Variants in TANC1 observed in about 807,000 individuals in gnomAD.
The protein encoded by TANC1 is tetratricopeptide repeat, ankyrin repeat and coiled-coil containing 1.
In TANC1, 77 loss-of-function variants were observed where a neutral mutation model predicts 149.7. That is an observed-to-expected ratio of 0.51 (90% CI 0.43 to 0.62). TANC1 has a LOEUF of 0.62. TANC1 is among the 20% of genes least tolerant of loss of function. TANC1 has a pLI of 0.00. For missense variants in TANC1, 1,985 were observed against 2,321.8 expected (o/e 0.85, Z 2.98); for synonymous variants, 854 against 925.0 (o/e 0.92, Z 1.39).
chr2:159,059,913 TGTGTGTGTGTGTGTGTGG>T (rs2042112447), intron 2 of TANC1, among the ~76,000 whole-genome samples: 1 of 125,586 alleles, frequency 8.0e-6, no homozygotes, highest in African/African-American at 3.8e-5. Flanking sequence ...TGTGTGTGTG[TGTGTGTGTGTGTGTGTGG>T]TTTTTTGTTG....
rs751317881 is a variant in TANC1 at position 159,176,348 on chromosome 2, G to T, written c.1736-4G>T. 6.6e-6 allele frequency: 10 copies of T among 1,507,356 alleles called. No homozygotes were observed. The highest frequency in any genetic ancestry group is 8.9e-6 in the Non-Finnish European group (10 of 1,119,452). 93.4% of individuals were successfully genotyped at this position (1,507,356 alleles called of 1,614,324 possible). A position where few individuals can be genotyped will look rare whatever the true frequency, so the allele number is the denominator to read the frequency against. On this transcript the variant is annotated splice_polypyrimidine_tract_variant and splice_region_variant and intron_variant, in intron 12 of 26. Coordinates refer to ENST00000263635, the MANE Select transcript of TANC1 (RefSeq NM_033394.3). ...TAATTTGAAAAAATTATTTTATCCT[G>T]TAGAGCAGAAAATTCCTGAAGAAGA...
chr2:159,198,698 A>G (rs2058038138), intron 18 of TANC1, among the ~76,000 whole-genome samples: 1 of 152,248 alleles, frequency 6.6e-6, no homozygotes, highest in South Asian at 2.1e-4. Context: ...TTAGGCTGGC[A>G]TATTTGGGTC....
chr2:159,036,500 CCCTCCCCCAT>C (rs1457454754), intron 2 of TANC1, among the ~76,000 whole-genome samples: 1 of 152,044 alleles, frequency 6.6e-6, no homozygotes, highest in African/African-American at 2.4e-5. Context: ...CTAATGCCAT[CCCTCCCCCAT>C]CCTCCCACCC....
rs143899683 is a variant in TANC1 at position 159,224,737 on chromosome 2, C to T, written c.3811+373C>T. ...GAGCCACTGTTCTAGAGCCACCAGT[C>T]AGCTGTGTGGGGAAATGGCCACCAC... On this transcript the variant is annotated intron_variant, in intron 23 of 26. Coordinates refer to ENST00000263635, the MANE Select transcript of TANC1 (RefSeq NM_033394.3). 4.2e-3 allele frequency: 836 copies of T among 197,248 alleles called. 9 individuals are homozygous for T. Among genetic ancestry groups the T allele is most frequent in the African/African-American group, 0.018 (794 of 44,284 alleles). 12.2% of individuals were successfully genotyped at this position (197,248 alleles called of 1,614,324 possible).
intron 2 of TANC1, among the ~76,000 whole-genome samples, chr2:159,045,461 G>A (rs1010249036): frequency 3.9e-5 from 6 of 152,004 alleles, no homozygotes; most frequent in African/African-American, 1.5e-4. Context: ...AGCCAGATAT[G>A]ATAAAGAGTT....
At chr2:159,212,688 A>C (rs1235285796) in intron 19 of TANC1, among the ~76,000 whole-genome samples, 1 of 152,126 alleles carries the variant, frequency 6.6e-6, no homozygotes, top group Admixed American at 6.5e-5. Flanking sequence ...TTGGAAGGCC[A>C]AGGCAGGCAG....
At chr2:159,021,893 G>A (rs1182246316) in intron 2 of TANC1, among the ~76,000 whole-genome samples, 1 of 152,112 alleles carries the variant, frequency 6.6e-6, no homozygotes, top group Non-Finnish European at 1.5e-5. Flanking sequence ...CCAAGTTTGA[G>A]GAAGAATGGA....
In TANC1 at chr2:159,136,091, C is replaced by G. The variant is rs1345012869; in HGVS notation, c.260-103C>G. 4.9e-6 allele frequency: 3 copies of G among 615,438 alleles called. No individual in the cohort carries two copies. The Admixed American group carries it at 6.3e-5, about 13-fold the overall frequency. The allele number at this position is 615,438 out of a possible 1,614,324, so 38.1% of individuals were successfully genotyped here. On this transcript the variant is annotated intron_variant, in intron 4 of 26. Coordinates refer to ENST00000263635, the MANE Select transcript of TANC1 (RefSeq NM_033394.3). Reference sequence around the variant, plus strand: ...AAGGGAGGGGAAGGCACTGGCTCTTCCTCTAGGCATATTTGGGTCCTGGTA... The same window carrying G: ...AAGGGAGGGGAAGGCACTGGCTCTTGCTCTAGGCATATTTGGGTCCTGGTA...
chr2:159,134,456 C>T (rs2050439550), intron 4 of TANC1, among the ~76,000 whole-genome samples: 1 of 150,910 alleles, frequency 6.6e-6, no homozygotes, highest in African/African-American at 2.4e-5. Context: ...AGGCGCACAT[C>T]ACTGCACCCA....
At chr2:159,229,556 T>C in intron 26 of TANC1, 22 bp from the exon 27 acceptor site, 1 of 1,569,376 alleles carries the variant, frequency 6.4e-7, no homozygotes, top group Non-Finnish European at 8.7e-7. Context: ...TTTGTAATGT[T>C]ACCTTACATT....
intron 19 of TANC1, among the ~76,000 whole-genome samples, chr2:159,212,060 T>C (rs976661194): frequency 2.0e-5 from 3 of 152,228 alleles, no homozygotes; most frequent in Admixed American, 6.5e-5. Flanking sequence ...TGTGCTGCTG[T>C]TGCAAAAATT....
intron 24 of TANC1, 104 bp downstream of exon 24, chr2:159,225,883 A>G (rs1376534841): frequency 3.2e-6 from 3 of 924,618 alleles, no homozygotes; most frequent in Non-Finnish European, 5.2e-6. Context: ...TCTCCATGTA[A>G]TAGAAGTGCA....
At chr2:159,218,722 C>G (rs932923765) in intron 20 of TANC1, among the ~76,000 whole-genome samples, 1 of 152,164 alleles carries the variant, frequency 6.6e-6, no homozygotes, top group Non-Finnish European at 1.5e-5. Flanking sequence ...AGGTGCTTTG[C>G]TAAAAGTTGC....
chr2:159,150,131 A>G (rs2052613117), intron 6 of TANC1: 1 of 404,346 alleles, frequency 2.5e-6, no homozygotes. Context: ...AAAAAGGAAA[A>G]TCACAAAGGA....
At position 159,170,627 on chromosome 2, in the gene TANC1, C is replaced by G. The variant is rs1157817394; in HGVS notation, c.1173C>G (p.Leu391=). The G allele has an allele frequency of 1.7e-5, 27 of 1,614,012 alleles. No individual in the cohort carries two copies. The highest frequency in any genetic ancestry group is 2.3e-5 in the Non-Finnish European group (27 of 1,180,036). The change falls in exon 10 of 27, where the codon CTC becomes CTG. Residue 391 remains leucine, a synonymous_variant. Transcript: ENST00000263635. ...TDSVFVGRDW[L]FHQIEENLRN... ...CTGTGTTTGTGGGAAGGGATTGGCT[C>G]TTTCACCAGATAGAAGAAAACTTGA...
intron 2 of TANC1, among the ~76,000 whole-genome samples, chr2:159,033,823 G>A (rs1168809439): frequency 6.6e-6 from 1 of 152,204 alleles, no homozygotes. Context: ...CAACCTGCAT[G>A]TGCGCCAGCT....
At chr2:159,034,370 C>T (rs2149492169) in intron 2 of TANC1, among the ~76,000 whole-genome samples, 3 of 152,354 alleles carry the variant, frequency 2.0e-5, no homozygotes, top group Middle Eastern at 6.8e-3. Context: ...CTGACCCCAT[C>T]AGGAGGACAA....
rs771647646 is a variant in TANC1 at position 159,217,626 on chromosome 2, G to T, written c.3374G>T (p.Trp1125Leu). ...TTTTGTGCAGCACGCCAGGGGCATT[G>T]GCAGGTACCCAGGGGGCCCCTGAAT... ...PLFCAARQGH[W>L]QIVRLLLERG... Residue 1125 changes from tryptophan (W) to leucine (L), a missense_variant, in exon 20 of 27, where the codon TGG becomes TTG. This residue lies in a region of TANC1 where 920 missense variants were observed against 994.7 expected (regional missense o/e 0.92). Coordinates refer to ENST00000263635, the MANE Select transcript of TANC1 (RefSeq NM_033394.3). 1.9e-6 allele frequency: 3 copies of T among 1,613,930 alleles called. No individual in the cohort carries two copies.
At chr2:159,042,735 A>AG (rs1162054511) in intron 2 of TANC1, among the ~76,000 whole-genome samples, 1 of 151,802 alleles carries the variant, frequency 6.6e-6, no homozygotes, top group Admixed American at 6.6e-5. Context: ...CCAGAGAGAG[A>AG]GGGGGTTTCA....
Sources: allele counts gnomAD v4.1 joint callset (sites outside exome capture counted in the v4.1 genomes callset), GRCh38; gene constraint gnomAD v4.1.1; regional missense constraint gnomAD v4.1.1; transcripts MANE v1.5; gene names NCBI Gene and HGNC (gene_info 2026-07-23, HGNC 2026-07-21).